PCDH15: variants seen among roughly 807,000 people sequenced by gnomAD.
The protein encoded by PCDH15 is protocadherin-15.
PCDH15 carries 129 observed loss-of-function variants against 178.5 expected under a neutral mutation model. The ratio of observed to expected loss-of-function variants is 0.72; its 90% CI spans 0.63 to 0.84. PCDH15 has a LOEUF of 0.84. PCDH15 is among the 40% of genes least tolerant of loss of function. The pLI, the probability that PCDH15 is intolerant of heterozygous loss-of-function variation, is 0.00. For synonymous variants in PCDH15, 800 were observed against 732.0 expected (o/e 1.09, Z -1.50); for missense variants, 2,230 against 2,099.9 (o/e 1.06, Z -1.21).
At chr10:54,063,461 C>T (rs2094073075) in intron 18 of PCDH15, among the ~76,000 whole-genome samples, 1 of 152,140 alleles carries the variant, frequency 6.6e-6, no homozygotes, top group African/African-American at 2.4e-5. Flanking sequence ...ACCTTGTTTT[C>T]TTGGTGTAGC....
intron 21 of PCDH15, among the ~76,000 whole-genome samples, chr10:53,970,330 C>T (rs1375234118): frequency 1.3e-5 from 2 of 152,128 alleles, no homozygotes; most frequent in African/African-American, 4.8e-5. Context: ...TATATATGCA[C>T]CCAATACAGG....
chr10:55,452,422 T>A (rs933417141), intron 2 of PCDH15, among the ~76,000 whole-genome samples: 1 of 152,110 alleles, frequency 6.6e-6, no homozygotes, highest in Non-Finnish European at 1.5e-5. Flanking sequence ...CCATCCTGAA[T>A]TCACCTAGGA....
chr10:55,380,311 T>G (rs748274546), intron 2 of PCDH15, among the ~76,000 whole-genome samples: 1 of 152,160 alleles, frequency 6.6e-6, no homozygotes, highest in Non-Finnish European at 1.5e-5. Flanking sequence ...AGTCATAGTT[T>G]GAAGAATTTA....
chr10:55,136,885 A>T (rs1238696032), intron 2 of PCDH15, among the ~76,000 whole-genome samples: 1 of 152,166 alleles, frequency 6.6e-6, no homozygotes, highest in African/African-American at 2.4e-5. Context: ...TCAGATACGG[A>T]CTTTTCCTCC....
intron 2 of PCDH15, among the ~76,000 whole-genome samples, chr10:54,990,608 A>T (rs1175659290): frequency 6.6e-6 from 1 of 152,190 alleles, no homozygotes; most frequent in Non-Finnish European, 1.5e-5. Flanking sequence ...AGATATTTTT[A>T]AAATTAGGTA....
At chr10:54,812,802 T>C (rs1952887139) in intron 3 of PCDH15, among the ~76,000 whole-genome samples, 1 of 152,124 alleles carries the variant, frequency 6.6e-6, no homozygotes, top group Non-Finnish European at 1.5e-5. Flanking sequence ...TTTCACCATA[T>C]TGGCCAGGCT....
intron 18 of PCDH15, among the ~76,000 whole-genome samples, chr10:54,026,209 C>T (rs2093085943): frequency 6.6e-6 from 1 of 152,000 alleles, no homozygotes; most frequent in African/African-American, 2.4e-5. Context: ...GCTGGCACTA[C>T]AAGCACATGC....
intron 2 of PCDH15, among the ~76,000 whole-genome samples, chr10:54,985,121 A>T (rs915510532): frequency 6.6e-6 from 1 of 152,078 alleles, no homozygotes; most frequent in African/African-American, 2.4e-5. Context: ...GTATTTTTTG[A>T]CCTACAAAAT....
intron 2 of PCDH15, among the ~76,000 whole-genome samples, chr10:55,621,656 G>C (rs140124672): frequency 1.8e-3 from 276 of 152,238 alleles, no homozygotes; most frequent in African/African-American, 6.3e-3. Flanking sequence ...ATGATGTGAA[G>C]TGGAAGAGTT....
At chr10:54,253,002 A>G (rs2056614594) in intron 8 of PCDH15, among the ~76,000 whole-genome samples, 1 of 152,068 alleles carries the variant, frequency 6.6e-6, no homozygotes, top group African/African-American at 2.4e-5. Flanking sequence ...TCAAAGAACC[A>G]AGGTATTGAT....
At chr10:55,276,261 T>C (rs1269011857) in intron 1 of PCDH15, among the ~76,000 whole-genome samples, 1 of 150,980 alleles carries the variant, frequency 6.6e-6, no homozygotes, top group African/African-American at 2.4e-5. Flanking sequence ...ATAGAAGTAG[T>C]GACTATGGAC....
At chr10:54,146,903 T>G (rs865994014) in intron 14 of PCDH15, among the ~76,000 whole-genome samples, 6 of 146,888 alleles carry the variant, frequency 4.1e-5, no homozygotes, top group Admixed American at 6.9e-5. Context: ...TACATATATA[T>G]ATAGTGTATA....
chr10:55,489,563 A>C (rs1295686056), intron 2 of PCDH15, among the ~76,000 whole-genome samples: 1 of 151,700 alleles, frequency 6.6e-6, no homozygotes, highest in Non-Finnish European at 1.5e-5. Context: ...TACCTCAGTA[A>C]ATCTCTCATA....
At chr10:55,157,699 A>T (rs1424516749) in intron 2 of PCDH15, among the ~76,000 whole-genome samples, 1 of 151,916 alleles carries the variant, frequency 6.6e-6, no homozygotes, top group East Asian at 1.9e-4. Flanking sequence ...GCAAACTATC[A>T]CAAGGACAGA....
chr10:55,059,009 C>T (rs991203596), intron 2 of PCDH15, among the ~76,000 whole-genome samples: 33 of 152,288 alleles, frequency 2.2e-4, no homozygotes, highest in South Asian at 1.5e-3. Context: ...CAGTTTCCAA[C>T]GGTAATTAAA....
chr10:54,741,066 C>A (rs1433519538), intron 1 of PCDH15, among the ~76,000 whole-genome samples: 2 of 151,648 alleles, frequency 1.3e-5, no homozygotes, highest in Non-Finnish European at 2.9e-5. Flanking sequence ...GATAGCTACC[C>A]CAATTACCTT....
chr10:54,611,103 AAC>A (rs1399769219), intron 2 of PCDH15, among the ~76,000 whole-genome samples: 4 of 151,832 alleles, frequency 2.6e-5, no homozygotes, highest in African/African-American at 9.7e-5. Flanking sequence ...AAAGGAAATA[AAC>A]ACAGTTTAGC....
chr10:55,548,575 G>C (rs1275560469), intron 2 of PCDH15, among the ~76,000 whole-genome samples: 2 of 152,116 alleles, frequency 1.3e-5, no homozygotes, highest in Non-Finnish European at 2.9e-5. Flanking sequence ...CAGTTCTTGT[G>C]GTCATGCTTA....
chr10:53,909,438 G>T (rs2610857), intron 25 of PCDH15, among the ~76,000 whole-genome samples: 115,292 of 152,080 alleles, frequency 0.76, 44,316 homozygotes, highest in East Asian at 1. Context: ...TACTCCCAAG[G>T]GTCCTCTTAA....
Sources: allele counts gnomAD v4.1 joint callset (sites outside exome capture counted in the v4.1 genomes callset), GRCh38; gene constraint gnomAD v4.1.1; transcripts MANE v1.5; gene names NCBI Gene and HGNC (gene_info 2026-07-23, HGNC 2026-07-21).